The following C12orf54 variants were observed in gnomAD, a reference collection of about 807,000 sequenced individuals.
C12orf54 encodes uncharacterized protein C12orf54.
A neutral mutation model predicts 26.4 loss-of-function variants in C12orf54; 24 were observed. That is an observed-to-expected ratio of 0.91 (90% CI 0.66 to 1.28). C12orf54 has a LOEUF of 1.28. C12orf54 is among the 50% of genes most tolerant of loss of function. C12orf54 has a pLI of 0.00. For missense variants in C12orf54, 154 were observed against 150.9 expected, an observed-to-expected ratio of 1.02 and a Z score of -0.11; for synonymous variants, 54 against 47.0, an observed-to-expected ratio of 1.15 and a Z score of -0.61.
chr12:48,474,457 G>T, the C12orf54 span, among the ~76,000 whole-genome samples: 8 of 152,208 alleles, frequency 5.3e-5, no homozygotes, highest in African/African-American at 1.7e-4. Context: ...ATCTCACCCA[G>T]GAAGTGCAAG....
At chr12:48,456,818 G>C in the C12orf54 span, among the ~76,000 whole-genome samples, 7 of 152,012 alleles carry the variant, frequency 4.6e-5, no homozygotes, top group Non-Finnish European at 1.0e-4. Context: ...TTGGCAAGCA[G>C]AATAAACCAC....
At chr12:48,460,566 CT>C in the C12orf54 span, among the ~76,000 whole-genome samples, 4 of 152,102 alleles carry the variant, frequency 2.6e-5, no homozygotes, top group Non-Finnish European at 5.9e-5. Context: ...TTTTAAAAAT[CT>C]TTTTATTTTA....
upstream of C12orf54, among the ~76,000 whole-genome samples, chr12:48,478,661 G>A (rs1954168922): frequency 6.6e-6 from 1 of 152,028 alleles, no homozygotes; most frequent in Non-Finnish European, 1.5e-5. Flanking sequence ...GCTTCAAAGA[G>A]AATAAAATAC....
At chr12:48,452,191 A>G in the C12orf54 span, among the ~76,000 whole-genome samples, 4 of 152,184 alleles carry the variant, frequency 2.6e-5, no homozygotes, top group African/African-American at 9.7e-5. Context: ...CACACCTACA[A>G]GCATCTGATC....
chr12:48,454,244 T>C, the C12orf54 span, among the ~76,000 whole-genome samples: 4 of 151,854 alleles, frequency 2.6e-5, no homozygotes, highest in South Asian at 2.1e-4. Context: ...ACTACAGGCA[T>C]ACACCACCAC....
chr12:48,450,129 A>C, the C12orf54 span, among the ~76,000 whole-genome samples: 29,947 of 152,150 alleles, frequency 0.2, 3,273 homozygotes, highest in South Asian at 0.3. Flanking sequence ...CATTGCATTA[A>C]TGCTGTAAAT....
the C12orf54 span, among the ~76,000 whole-genome samples, chr12:48,446,165 G>A: frequency 2.0e-3 from 302 of 152,288 alleles, 1 homozygote; most frequent in African/African-American, 6.7e-3. Context: ...ATTCACAGGC[G>A]AGAAAATGTA....
At chr12:48,449,707 A>G in the C12orf54 span, among the ~76,000 whole-genome samples, 1 of 152,202 alleles carries the variant, frequency 6.6e-6, no homozygotes, top group Non-Finnish European at 1.5e-5. Context: ...AGATAACCTG[A>G]TATTTTTTCA....
At chr12:48,473,433 A>T in the C12orf54 span, 1 of 653,924 alleles carries the variant, frequency 1.5e-6, no homozygotes, top group Admixed American at 2.5e-5. Context: ...ATCTATTTTG[A>T]AAAATTCCTT....
intron 7 of C12orf54, among the ~76,000 whole-genome samples, chr12:48,493,884 C>A (rs61940780): frequency 2.0e-5 from 3 of 150,600 alleles, no homozygotes; most frequent in Non-Finnish European, 4.4e-5. Context: ...AAGACAGCAG[C>A]GCCATGTACT....
At chr12:48,486,879 C>T (rs566120553) in intron 4 of C12orf54, among the ~76,000 whole-genome samples, 153 bp downstream of exon 4, 5 of 152,278 alleles carry the variant, frequency 3.3e-5, no homozygotes, top group Admixed American at 2.0e-4. Flanking sequence ...TTCTGTTGCT[C>T]GTGCAGTCTC....
At chr12:48,478,162 A>G (rs1565568229), upstream of C12orf54, among the ~76,000 whole-genome samples, 1 of 152,220 alleles carries the variant, frequency 6.6e-6, no homozygotes, top group Non-Finnish European at 1.5e-5. Flanking sequence ...GATTATCTCA[A>G]TAGATGCAGA....
the C12orf54 span, among the ~76,000 whole-genome samples, chr12:48,450,392 C>T: frequency 6.6e-6 from 1 of 152,152 alleles, no homozygotes; most frequent in South Asian, 2.1e-4. Context: ...AAAAAGATCT[C>T]AAGTTAATAA....
the C12orf54 span, among the ~76,000 whole-genome samples, chr12:48,465,645 A>G: frequency 6.6e-6 from 1 of 152,198 alleles, no homozygotes; most frequent in Non-Finnish European, 1.5e-5. Context: ...TCAAAATAAC[A>G]AAGACATGAA....
the C12orf54 span, among the ~76,000 whole-genome samples, chr12:48,430,437 A>C: frequency 2.0e-5 from 3 of 152,060 alleles, no homozygotes; most frequent in Non-Finnish European, 4.4e-5. Context: ...GAATCTACAA[A>C]GAACTCAAAT....
the C12orf54 span, among the ~76,000 whole-genome samples, chr12:48,441,733 T>C: frequency 6.6e-6 from 1 of 152,218 alleles, no homozygotes; most frequent in Non-Finnish European, 1.5e-5. Flanking sequence ...CATATCCTTG[T>C]AATAAAAAAT....
At chr12:48,477,048 C>G in the C12orf54 span, among the ~76,000 whole-genome samples, 3 of 152,228 alleles carry the variant, frequency 2.0e-5, no homozygotes, top group African/African-American at 7.2e-5. Context: ...CAAACTATCT[C>G]TTAGACCACA....
chr12:48,439,414 T>A, the C12orf54 span, among the ~76,000 whole-genome samples: 1 of 152,150 alleles, frequency 6.6e-6, no homozygotes, highest in African/African-American at 2.4e-5. Flanking sequence ...ACCCAAAGGA[T>A]TATAAATCAT....
At chr12:48,474,257 G>A in the C12orf54 span, among the ~76,000 whole-genome samples, 2 of 152,172 alleles carry the variant, frequency 1.3e-5, no homozygotes, top group East Asian at 1.9e-4. Flanking sequence ...ATGGAGCCAG[G>A]TGGAGGAGCC....
Sources: gnomAD v4.1 joint callset for allele counts (sites outside exome capture counted in the v4.1 genomes callset) on GRCh38, gnomAD v4.1.1 for gene constraint, MANE v1.5 for transcripts, NCBI Gene and HGNC (gene_info 2026-07-23, HGNC 2026-07-21) for gene names.